Variants in GLRX3 observed in about 807,000 individuals in gnomAD.
The protein encoded by GLRX3 is glutaredoxin-3.
Under a neutral mutation model 49.5 loss-of-function variants are expected in GLRX3, and 22 were observed. That is an observed-to-expected ratio of 0.44 (90% CI 0.32 to 0.63). The LOEUF is 0.63. Among genes scored for constraint, GLRX3 ranks in the 30% least tolerant of loss-of-function variants. The pLI, the probability that GLRX3 is intolerant of heterozygous loss-of-function variation, is 0.05. For synonymous variants in GLRX3, 133 were observed against 140.0 expected (o/e 0.95, Z 0.35); for missense variants, 385 against 396.3 (o/e 0.97, Z 0.24).
intron 10 of GLRX3, among the ~76,000 whole-genome samples, chr10:130,176,049 C>T (rs1022806685): frequency 5.3e-5 from 8 of 151,768 alleles, no homozygotes; most frequent in East Asian, 1.9e-4. Context: ...GTCAGATCTT[C>T]GACTTTTTAT....
intron 2 of GLRX3, among the ~76,000 whole-genome samples, chr10:130,153,096 G>A (rs189405045): frequency 6.6e-6 from 1 of 151,972 alleles, no homozygotes; most frequent in African/African-American, 2.4e-5. Context: ...GATCGAATCG[G>A]CTATTGAAGC....
intron 4 of GLRX3, among the ~76,000 whole-genome samples, chr10:130,164,817 AC>A (rs1442607129): frequency 1.3e-5 from 2 of 152,242 alleles, no homozygotes; most frequent in East Asian, 3.8e-4. Context: ...TCAGCCAGTT[AC>A]AGTAAAAATG....
chr10:130,136,419 G>T lies in GLRX3; in HGVS notation c.-2G>T. On this transcript the variant is annotated 5_prime_UTR_variant, in exon 1 of 11. Transcript: ENST00000331244. ...GGATTGCTTCTGTCTGGCGGCGGCA[G>T]CATGGCGGCGGGGGCGGCTGAGGCA... 1 of 1,253,834 alleles carries T rather than the reference G, an allele frequency of 8.0e-7. No individual in the cohort carries two copies. Among genetic ancestry groups the T allele is most frequent in the Non-Finnish European group, 1.0e-6 (1 of 993,126 alleles). The allele number at this position is 1,253,834 out of a possible 1,614,324, so 77.7% of individuals were successfully genotyped here. A position where few individuals can be genotyped will look rare whatever the true frequency, so the allele number is the denominator to read the frequency against.
At chr10:130,177,779 T>A (rs1862951698) in intron 10 of GLRX3, among the ~76,000 whole-genome samples, 1 of 152,088 alleles carries the variant, frequency 6.6e-6, no homozygotes, top group Non-Finnish European at 1.5e-5. Flanking sequence ...GCCGTCTGGG[T>A]TTTGTGTGAC....
intron 4 of GLRX3, among the ~76,000 whole-genome samples, chr10:130,163,660 G>A (rs1862620640): frequency 6.6e-6 from 1 of 152,084 alleles, no homozygotes; most frequent in Admixed American, 6.6e-5. Flanking sequence ...GAATGTTGCT[G>A]TTCTTTAATA....
At chr10:130,163,043 A>G (rs140048117) in intron 4 of GLRX3, among the ~76,000 whole-genome samples, 47 of 152,312 alleles carry the variant, frequency 3.1e-4, no homozygotes, top group African/African-American at 9.6e-4. Flanking sequence ...GCATTTTTAT[A>G]TTTATATTAA....
At position 130,167,794 on chromosome 10, in the gene GLRX3, G is replaced by A. The variant is rs115429028; in HGVS notation, c.713+814G>A. 2.7e-3 allele frequency among the ~76,000 whole-genome samples: 410 copies of A among 152,114 alleles called. 1 individual carries two copies. Among genetic ancestry groups the A allele is most frequent in the African/African-American group, 9.2e-3 (381 of 41,480 alleles). On this transcript the variant is annotated intron_variant, in intron 6 of 10. Transcript: ENST00000331244. The stretch of plus-strand genomic sequence containing the variant: ...TTAATTAATAATTTCTATAAACAGC[G>A]TCCAATCCACGTATGTCAGGCTGAT...
intron 2 of GLRX3, among the ~76,000 whole-genome samples, chr10:130,147,853 T>G (rs1292405595): frequency 6.6e-6 from 1 of 152,092 alleles, no homozygotes; most frequent in Non-Finnish European, 1.5e-5. Flanking sequence ...ACCAGCCTGA[T>G]GCACATAGCA....
intron 2 of GLRX3, among the ~76,000 whole-genome samples, chr10:130,150,626 A>G (rs1005481783): frequency 2.0e-5 from 3 of 152,228 alleles, no homozygotes; most frequent in Non-Finnish European, 4.4e-5. Flanking sequence ...AAGTGCGACT[A>G]TCTTAAAGAT....
rs775800698 is a variant in GLRX3, at chr10:130,137,692, A to G, written c.92+1180A>G. ...AGTAGATGTTGGCACTTAGTATTTCAGTAGGAAGTAGAATGGTTCATGGAA... is the reference window on the plus strand; with the variant it reads ...AGTAGATGTTGGCACTTAGTATTTCGGTAGGAAGTAGAATGGTTCATGGAA... On this transcript the variant is annotated intron_variant, in intron 1 of 10. Transcript: ENST00000331244. 3.5e-4 allele frequency among the ~76,000 whole-genome samples: 54 copies of G among 152,232 alleles called. 1 individual carries two copies. Among genetic ancestry groups the G allele is most frequent in the Non-Finnish European group, 4.1e-4 (28 of 68,044 alleles).
At chr10:130,170,129 A>G (rs370628955) in intron 7 of GLRX3, among the ~76,000 whole-genome samples, 1 of 152,248 alleles carries the variant, frequency 6.6e-6, no homozygotes, top group Admixed American at 6.5e-5. Context: ...GAAACCAGCC[A>G]TACACATTTA....
chr10:130,158,267 C>T (rs1862514619), intron 2 of GLRX3, among the ~76,000 whole-genome samples: 2 of 150,764 alleles, frequency 1.3e-5, no homozygotes, highest in South Asian at 4.2e-4. Flanking sequence ...GGCTGGAGTG[C>T]AATAGTGCGA....
intron 4 of GLRX3, 47 bp downstream of exon 4, chr10:130,161,044 C>T (rs1404408389): frequency 3.8e-6 from 5 of 1,332,838 alleles, no homozygotes; most frequent in African/African-American, 1.4e-5. Context: ...GGTGCTTTCC[C>T]AGAATGGGGT....
At chr10:130,145,015 T>G (rs1424262227) in intron 1 of GLRX3, among the ~76,000 whole-genome samples, 196 bp from the exon 2 acceptor site, 1 of 152,228 alleles carries the variant, frequency 6.6e-6, no homozygotes, top group East Asian at 1.9e-4. Flanking sequence ...AATTGAAAAT[T>G]TATCTGAAAG....
chr10:130,150,082 CA>C (rs896419089), intron 2 of GLRX3, among the ~76,000 whole-genome samples: 1 of 150,628 alleles, frequency 6.6e-6, no homozygotes, highest in African/African-American at 2.4e-5. Flanking sequence ...ACTAAAAATA[CA>C]AAAAAAATCA....
At chr10:130,140,390 C>T (rs991295435) in intron 1 of GLRX3, among the ~76,000 whole-genome samples, 4 of 151,970 alleles carry the variant, frequency 2.6e-5, no homozygotes, top group African/African-American at 7.3e-5. Flanking sequence ...AAGGGGATAA[C>T]GTTTATATTT....
intron 10 of GLRX3, among the ~76,000 whole-genome samples, chr10:130,176,381 A>G (rs1862920760): frequency 6.6e-6 from 1 of 152,158 alleles, no homozygotes; most frequent in Non-Finnish European, 1.5e-5. Flanking sequence ...TGGCCTCCCA[A>G]AGTGCTGGGA....
chr10:130,141,809 C>T (rs1421860550), intron 1 of GLRX3, among the ~76,000 whole-genome samples: 2 of 152,146 alleles, frequency 1.3e-5, no homozygotes, highest in Non-Finnish European at 2.9e-5. Context: ...TTCTTGCCAT[C>T]CTTAGGCAAT....
intron 1 of GLRX3, among the ~76,000 whole-genome samples, chr10:130,140,405 C>G (rs1353352815): frequency 6.6e-6 from 1 of 152,080 alleles, no homozygotes; most frequent in Non-Finnish European, 1.5e-5. Context: ...ATATTTGTTT[C>G]AGATATAGTA....
Sources: allele counts gnomAD v4.1 joint callset (sites outside exome capture counted in the v4.1 genomes callset), GRCh38; gene constraint gnomAD v4.1.1; transcripts MANE v1.5; gene names NCBI Gene and HGNC (gene_info 2026-07-23, HGNC 2026-07-21).